The following MYRIP variants were observed in gnomAD, a reference collection of about 807,000 sequenced individuals.
The protein encoded by MYRIP is myosin VIIA and Rab interacting protein.
A neutral mutation model predicts 98.0 loss-of-function variants in MYRIP; 49 were observed. That is an observed-to-expected ratio of 0.50 (90% CI 0.40 to 0.63). MYRIP has a LOEUF of 0.63. Among genes scored for constraint, MYRIP ranks in the 30% least tolerant of loss-of-function variants. The pLI is 0.00. For missense variants in MYRIP, 1,004 were observed against 1,058.2 expected, an observed-to-expected ratio of 0.95 and a Z score of 0.71; for synonymous variants, 404 against 409.5, an observed-to-expected ratio of 0.99 and a Z score of 0.16.
chr3:40,190,171 C>T lies in MYRIP; in HGVS notation c.1373C>T (p.Ser458Phe), dbSNP rs1193331115. The T allele has an allele frequency of 6.2e-7, 1 of 1,614,142 alleles. No homozygotes were observed. ...GCCATGTGCTCTGACTCGGAGACCT[C>T]CTCCGCAGGCTCTTCCCGAGAAGTT... ...PEAMCSDSET[S>F]SAGSSREVGH... Residue 458 changes from serine (S) to phenylalanine (F), a missense_variant, in exon 10 of 17, where the codon TCC (serine) becomes TTC (phenylalanine). Ser to Phe is a radical substitution (Grantham distance 155). Coordinates refer to ENST00000302541, the MANE Select transcript of MYRIP (RefSeq NM_015460.4).
chr3:39,988,224 T>C (rs1427086015), intron 2 of MYRIP, among the ~76,000 whole-genome samples: 1 of 151,968 alleles, frequency 6.6e-6, no homozygotes. Context: ...GACGAGTTAA[T>C]GGGTGCAGCA....
intron 1 of MYRIP, among the ~76,000 whole-genome samples, chr3:39,862,308 G>A (rs1942495203): frequency 6.6e-6 from 1 of 152,152 alleles, no homozygotes; most frequent in Non-Finnish European, 1.5e-5. Context: ...ATTACCATCA[G>A]CCCTGGATTA....
At chr3:40,004,203 G>T (rs1199653815) in intron 2 of MYRIP, among the ~76,000 whole-genome samples, 3 of 152,120 alleles carry the variant, frequency 2.0e-5, no homozygotes, top group African/African-American at 7.2e-5. Context: ...TACCTGAGGG[G>T]CTTACACTAG....
chr3:39,948,375 C>T (rs575864819), intron 2 of MYRIP, among the ~76,000 whole-genome samples: 4 of 152,084 alleles, frequency 2.6e-5, no homozygotes, highest in African/African-American at 2.4e-5. Flanking sequence ...GGCAGTAGAA[C>T]CAGGACTGTA....
chr3:39,977,059 T>C (rs558903615), intron 2 of MYRIP, among the ~76,000 whole-genome samples: 2 of 108,680 alleles, frequency 1.8e-5, no homozygotes, highest in South Asian at 5.2e-4. Context: ...AAAATTATTC[T>C]GTGTGTTTTT....
chr3:40,204,656 C>T (rs1000811401), intron 10 of MYRIP, among the ~76,000 whole-genome samples: 5 of 152,060 alleles, frequency 3.3e-5, no homozygotes, highest in Admixed American at 1.3e-4. Flanking sequence ...CATTTAAACC[C>T]GCCTTTCCTA....
intron 1 of MYRIP, among the ~76,000 whole-genome samples, chr3:39,825,917 T>C (rs1941248144): frequency 6.6e-6 from 1 of 152,138 alleles, no homozygotes; most frequent in Non-Finnish European, 1.5e-5. Context: ...TGGTAGGTTA[T>C]ATGTGTTTAG....
intron 2 of MYRIP, among the ~76,000 whole-genome samples, chr3:39,982,203 G>A (rs1444527507): frequency 6.6e-6 from 1 of 152,214 alleles, no homozygotes; most frequent in Non-Finnish European, 1.5e-5. Context: ...TCTGTAGAGA[G>A]TAGTAGGTGG....
At chr3:39,881,753 G>T (rs1001048614) in intron 1 of MYRIP, among the ~76,000 whole-genome samples, 1 of 151,920 alleles carries the variant, frequency 6.6e-6, no homozygotes, top group African/African-American at 2.4e-5. Context: ...AACCTTTTTA[G>T]CTCTTACCGA....
chr3:39,989,976 C>G (rs1946133442), intron 2 of MYRIP, among the ~76,000 whole-genome samples: 1 of 152,228 alleles, frequency 6.6e-6, no homozygotes, highest in Non-Finnish European at 1.5e-5. Context: ...CACCCGTCCC[C>G]CAAGGAGTCC....
At chr3:40,056,875 G>A (rs1947896315) in intron 3 of MYRIP, among the ~76,000 whole-genome samples, 1 of 152,168 alleles carries the variant, frequency 6.6e-6, no homozygotes, top group African/African-American at 2.4e-5. Flanking sequence ...TTAAATACTT[G>A]AATTGAAATC....
intron 1 of MYRIP, among the ~76,000 whole-genome samples, chr3:39,889,255 A>G (rs1022060681): frequency 6.6e-6 from 1 of 152,240 alleles, no homozygotes; most frequent in African/African-American, 2.4e-5. Flanking sequence ...CATTATTCAC[A>G]ATAGCAAAGA....
chr3:39,828,409 G>T (rs1381545248), intron 1 of MYRIP, among the ~76,000 whole-genome samples: 1 of 151,754 alleles, frequency 6.6e-6, no homozygotes, highest in Non-Finnish European at 1.5e-5. Context: ...CTGTTGTATT[G>T]TCTTGTATAT....
At chr3:40,222,537 A>T (rs1952365863) in intron 11 of MYRIP, among the ~76,000 whole-genome samples, 1 of 152,068 alleles carries the variant, frequency 6.6e-6, no homozygotes, top group Non-Finnish European at 1.5e-5. Context: ...TTTATGTTCC[A>T]TATGTTTATT....
intron 2 of MYRIP, among the ~76,000 whole-genome samples, chr3:40,000,061 A>T (rs563289180): frequency 2.1e-4 from 32 of 151,114 alleles, no homozygotes; most frequent in Non-Finnish European, 4.4e-5. Context: ...AACAATAGGA[A>T]ATATACCTAA....
intron 1 of MYRIP, among the ~76,000 whole-genome samples, chr3:39,848,547 A>G (rs1480466629): frequency 3.3e-5 from 5 of 152,210 alleles, no homozygotes; most frequent in African/African-American, 1.2e-4. Context: ...ATTATTGTTC[A>G]TACATAGTCA....
chr3:40,138,512 G>T (rs1949829148), intron 3 of MYRIP, among the ~76,000 whole-genome samples: 1 of 152,062 alleles, frequency 6.6e-6, no homozygotes, highest in African/African-American at 2.4e-5. Context: ...CATACCAAAA[G>T]ATAAAAATCA....
intron 3 of MYRIP, among the ~76,000 whole-genome samples, chr3:40,062,954 G>C (rs1948049597): frequency 6.6e-6 from 1 of 152,108 alleles, no homozygotes; most frequent in African/African-American, 2.4e-5. Flanking sequence ...GCTGTTTAGT[G>C]GAAAAGCTGT....
chr3:40,127,818 C>T (rs1319675575), intron 3 of MYRIP, among the ~76,000 whole-genome samples: 4 of 152,184 alleles, frequency 2.6e-5, no homozygotes, highest in African/African-American at 9.7e-5. Flanking sequence ...GAAGCAGCTA[C>T]ACCTTTTCTG....
Sources: allele counts gnomAD v4.1 joint callset (sites outside exome capture counted in the v4.1 genomes callset), GRCh38; gene constraint gnomAD v4.1.1; transcripts MANE v1.5; gene names NCBI Gene and HGNC (gene_info 2026-07-23, HGNC 2026-07-21).